The following DYSF variants were observed in gnomAD, a reference collection of about 807,000 sequenced individuals.
DYSF encodes dysferlin.
DYSF carries 212 observed loss-of-function variants against 274.9 expected under a neutral mutation model. The ratio of observed to expected loss-of-function variants is 0.77; its 90% CI spans 0.69 to 0.86. The LOEUF is 0.86. Among genes scored for constraint, DYSF ranks in the 40% least tolerant of loss-of-function variants. The pLI is 0.00. For synonymous variants in DYSF, 1,091 were observed against 1,078.7 expected (o/e 1.01, Z -0.22); for missense variants, 2,666 against 2,783.2 (o/e 0.96, Z 0.95).
At chr2:71,509,652 G>T (rs1296537693) in intron 4 of DYSF, among the ~76,000 whole-genome samples, 1 of 152,108 alleles carries the variant, frequency 6.6e-6, no homozygotes, top group East Asian at 1.9e-4. Context: ...TTATTCAATT[G>T]TTTAATCTGT....
intron 30 of DYSF, among the ~76,000 whole-genome samples, chr2:71,586,852 C>T (rs1206140598): frequency 6.6e-6 from 1 of 152,096 alleles, no homozygotes; most frequent in Non-Finnish European, 1.5e-5. Flanking sequence ...AGCCCCCTAC[C>T]TGCGGGTGGG....
intron 7 of DYSF, 121 bp downstream of exon 7, chr2:71,514,042 T>C (rs2086388846): frequency 1.7e-6 from 2 of 1,164,798 alleles, no homozygotes; most frequent in Non-Finnish European, 1.3e-6. Flanking sequence ...AGGGCCCTCC[T>C]GTGGGGGAAT....
rs932304959 is a variant in DYSF, at chr2:71,676,632, CA to C, written c.5884+2346del. Among the ~76,000 whole-genome samples the C allele has an allele frequency of 5.3e-3, 761 of 143,618 alleles. 7 individuals are homozygous for C. Among genetic ancestry groups the C allele is most frequent in the African/African-American group, 0.017 (675 of 39,278 alleles). The allele number at this position is 143,618 out of a possible 152,430, so 94.2% of individuals were successfully genotyped here. A position where few individuals can be genotyped will look rare whatever the true frequency, so the allele number is the denominator to read the frequency against. On this transcript the variant is annotated intron_variant, in intron 52 of 55. Coordinates refer to ENST00000410020, the MANE Select transcript of DYSF (RefSeq NM_001130987.2). Reference sequence around the variant, plus strand: ...AGAAAATTAGTTTTTAAAAGAAAAACAAAAAAAAAACCCTGTGTTTTTTACT... The same window carrying C: ...AGAAAATTAGTTTTTAAAAGAAAAACAAAAAAAAACCCTGTGTTTTTTACT...
At chr2:71,649,743 A>G (rs956967273) in intron 42 of DYSF, among the ~76,000 whole-genome samples, 9 of 152,254 alleles carry the variant, frequency 5.9e-5, no homozygotes, top group Admixed American at 5.9e-4. Flanking sequence ...TGACTATATA[A>G]TTAAACAAGT....
chr2:71,598,628 T>G lies in DYSF; in HGVS notation c.3639T>G (p.Leu1213=). The G allele has an allele frequency of 4.3e-6, 7 of 1,614,126 alleles. No homozygotes were observed. The highest frequency in any genetic ancestry group is 5.9e-6 in the Non-Finnish European group (7 of 1,180,030). Residue 1213 remains leucine, a synonymous_variant, in exon 33 of 56, where the codon CTT becomes CTG. Coordinates refer to ENST00000410020, the MANE Select transcript of DYSF (RefSeq NM_001130987.2). ...AGACGGTGGTGGTGAAGAACACCCT[T>G]AACCCCACCTGGGACCAGACGCTCA... ...SQKTVVVKNT[L]NPTWDQTLIF...
Position 71,658,858 on chromosome 2 carries a change from T to G in DYSF, c.4756-20T>G. The G allele has an allele frequency of 6.2e-7, 1 of 1,614,046 alleles. No homozygotes were observed. The highest frequency in any genetic ancestry group is 8.5e-7 in the Non-Finnish European group (1 of 1,179,964). ...CAACAATGATGATAAAAATGAAAATTAACCCTTCCTTCTTTTCAGGGCCTC... is the reference window on the plus strand; with the variant it reads ...CAACAATGATGATAAAAATGAAAATGAACCCTTCCTTCTTTTCAGGGCCTC... On this transcript the variant is annotated intron_variant, in intron 43 of 55. Coordinates refer to ENST00000410020, the MANE Select transcript of DYSF (RefSeq NM_001130987.2).
At chr2:71,507,343 A>T (rs10190993) in intron 4 of DYSF, among the ~76,000 whole-genome samples, 1 of 152,182 alleles carries the variant, frequency 6.6e-6, no homozygotes, top group Non-Finnish European at 1.5e-5. Context: ...CCTCAGCTCA[A>T]TGGGGTCCAC....
intron 42 of DYSF, among the ~76,000 whole-genome samples, chr2:71,651,887 A>G (rs1444087872): frequency 6.6e-6 from 1 of 152,220 alleles, no homozygotes; most frequent in African/African-American, 2.4e-5. Context: ...AGTAGGTAAC[A>G]TTAACAAAGA....
At chr2:71,479,310 T>C (rs1317499441) in intron 1 of DYSF, among the ~76,000 whole-genome samples, 1 of 151,792 alleles carries the variant, frequency 6.6e-6, no homozygotes, top group African/African-American at 2.4e-5. Context: ...CTTTGGGACC[T>C]TCAACACTCT....
At chr2:71,656,324 G>A in intron 43 of DYSF, 34 bp downstream of exon 43, 1 of 1,612,290 alleles carries the variant, frequency 6.2e-7, no homozygotes, top group Non-Finnish European at 8.5e-7. Flanking sequence ...ACCCAGGTGG[G>A]CCTAAGACTG....
chr2:71,507,297 C>A (rs1473856816), intron 4 of DYSF, among the ~76,000 whole-genome samples: 1 of 152,192 alleles, frequency 6.6e-6, no homozygotes, highest in African/African-American at 2.4e-5. Context: ...CCAAGGGCAG[C>A]CCAGGTGTGG....
At chr2:71,658,814 G>C in intron 43 of DYSF, 64 bp from the exon 44 acceptor site, 2 of 1,601,826 alleles carry the variant, frequency 1.2e-6, no homozygotes, top group East Asian at 2.2e-5. Context: ...ATTTGGGTGG[G>C]GACACAGCCA....
chr2:71,454,085 A>G, exon 1 of DYSF: 1 of 1,613,696 alleles, frequency 6.2e-7, no homozygotes, highest in Non-Finnish European at 8.5e-7. Context: ...CGGTGTTTGC[A>G]GGTAGGAGGG....
chr2:71,551,183 G>T (rs756889626), intron 18 of DYSF, 27 bp downstream of exon 18: 4 of 1,610,712 alleles, frequency 2.5e-6, no homozygotes, highest in South Asian at 1.1e-5. Context: ...CCTGGCAAGG[G>T]CAGGATGCCA....
Position 71,535,200 on chromosome 2 carries a change from G to A in DYSF, c.1450-68G>A, listed in dbSNP as rs375970008. On this transcript the variant is annotated intron_variant, in intron 15 of 55. Transcript: ENST00000410020. ...CTGCCAGTATCCCAGACTTCAGCTC[G>A]GGGTAGGGAGGGGCTGTTCTATCTT... 3.6e-5 allele frequency: 58 copies of A among 1,595,972 alleles called. 1 individual carries two copies. Among genetic ancestry groups the A allele is most frequent in the Non-Finnish European group, 4.5e-5 (52 of 1,163,632 alleles).
At position 71,589,636 on chromosome 2, in the gene DYSF, C is replaced by T. The variant is rs959125009; in HGVS notation, c.3446C>T (p.Ser1149Phe). ...DDKSEDSMSVSTLSFGVNRPT... is the reference protein window; with the variant it reads ...DDKSEDSMSVFTLSFGVNRPT... Reference sequence around the variant, plus strand: ...AAGAGTGAAGATTCCATGTCCGTCTCCACCTTGAGCTTCGGTGTGAACAGA... The same window carrying T: ...AAGAGTGAAGATTCCATGTCCGTCTTCACCTTGAGCTTCGGTGTGAACAGA... The change falls in exon 31 of 56, where the codon TCC becomes TTC. Residue 1149 changes from serine (S) to phenylalanine (F), a missense_variant. By Grantham distance (155) the Ser-to-Phe change is radical. Coordinates refer to ENST00000410020, the MANE Select transcript of DYSF (RefSeq NM_001130987.2). 2 of 1,614,158 alleles carry T rather than the reference C, an allele frequency of 1.2e-6. No homozygotes were observed. Among genetic ancestry groups the T allele is most frequent in the Non-Finnish European group, 1.7e-6 (2 of 1,180,024 alleles).
In DYSF at chr2:71,611,476, G is replaced by C; in HGVS notation, c.4071G>C (p.Trp1357Cys). 4 of 1,614,138 alleles carry C rather than the reference G, an allele frequency of 2.5e-6. No individual in the cohort carries two copies. Among genetic ancestry groups the C allele is most frequent in the Non-Finnish European group, 3.4e-6 (4 of 1,180,022 alleles). ...LQRTAIEILA[W>C]GLRNMKSYQL... ...TTCTGTGTGCTTAGATCCTGGCATG[G>C]GGCCTGCGGAACATGAAGAGTTACC... The change falls in exon 38 of 56, where the codon TGG becomes TGC. Residue 1357 changes from tryptophan (W) to cysteine (C), a missense_variant. Transcript: ENST00000410020.
chr2:71,581,995 T>G lies in DYSF; in HGVS notation c.3403-7598T>G, dbSNP rs1475699700. ...CCATCTCTGCTAAAAATACAAAAAT[T>G]ATTCAGGAGGCTGAGACAGGAGAAT... On this transcript the variant is annotated intron_variant, in intron 30 of 55. Coordinates refer to ENST00000410020, the MANE Select transcript of DYSF (RefSeq NM_001130987.2). 3.3e-5 allele frequency among the ~76,000 whole-genome samples: 5 copies of G among 149,350 alleles called. No homozygotes were observed. In the Admixed American group the frequency reaches 3.4e-4, roughly 10 times the overall value.
intron 53 of DYSF, 133 bp downstream of exon 53, chr2:71,679,368 C>T (rs1245751381): frequency 1.1e-6 from 1 of 890,762 alleles, no homozygotes; most frequent in Non-Finnish European, 1.7e-6. Flanking sequence ...TGCCCCCATC[C>T]CCCCTCTCTC....
Sources: allele counts gnomAD v4.1 joint callset (sites outside exome capture counted in the v4.1 genomes callset), GRCh38; gene constraint gnomAD v4.1.1; transcripts MANE v1.5; gene names NCBI Gene and HGNC (gene_info 2026-07-23, HGNC 2026-07-21).